PLCB4: variants seen among roughly 807,000 people sequenced by gnomAD.
PLCB4 encodes the protein 1-phosphatidylinositol 4,5-bisphosphate phosphodiesterase beta-4.
In PLCB4, 77 loss-of-function variants were observed where a neutral mutation model predicts 178.8. The observed-to-expected ratio is 0.43, with a 90% CI of 0.36 to 0.52. The LOEUF is 0.52. Among genes scored for constraint, PLCB4 ranks in the 20% least tolerant of loss-of-function variants. The pLI, the probability that PLCB4 is intolerant of heterozygous loss-of-function variation, is 0.00. For missense variants in PLCB4, 1,024 were observed against 1,453.4 expected, an observed-to-expected ratio of 0.70 and a Z score of 4.80; for synonymous variants, 496 against 490.8, an observed-to-expected ratio of 1.01 and a Z score of -0.14.
At chr20:9,394,283 G>A (rs1042519240) in intron 18 of PLCB4, among the ~76,000 whole-genome samples, 1 of 151,948 alleles carries the variant, frequency 6.6e-6, no homozygotes, top group African/African-American at 2.4e-5. Context: ...TTTAAATTAT[G>A]TTAATGACAG....
At chr20:9,255,504 G>A in intron 3 of PLCB4, among the ~76,000 whole-genome samples, 1 of 150,400 alleles carries the variant, frequency 6.6e-6, no homozygotes, top group East Asian at 1.9e-4. Flanking sequence ...TATTCTGGAA[G>A]CAGTAAAACT....
chr20:9,280,855 A>G (rs1454527750), intron 3 of PLCB4, among the ~76,000 whole-genome samples: 4 of 151,812 alleles, frequency 2.6e-5, no homozygotes, highest in Non-Finnish European at 5.9e-5. Context: ...ATGTGTTCAT[A>G]ATAACAGTGC....
intron 7 of PLCB4, 137 bp from the exon 8 acceptor site, chr20:9,362,759 G>A: frequency 1.6e-6 from 1 of 635,680 alleles, no homozygotes; most frequent in South Asian, 1.8e-5. Flanking sequence ...AAATATAGAT[G>A]GCTGTGTGAC....
At chr20:9,427,289 C>T (rs79732642) in intron 28 of PLCB4, among the ~76,000 whole-genome samples, 2,659 of 151,934 alleles carry the variant, frequency 0.018, 37 homozygotes, top group South Asian at 0.025. Context: ...GCAGTGATGG[C>T]TACCATGAGT....
At position 9,215,895 on chromosome 20, in the gene PLCB4, A is replaced by G. The variant is rs1033703386; in HGVS notation, c.-78-1495A>G. Among the ~76,000 whole-genome samples the G allele has an allele frequency of 2.0e-5, 3 of 152,144 alleles. No individual in the cohort carries two copies. In the South Asian group the frequency reaches 6.2e-4, roughly 32 times the overall value. ...GGAGCCATAGTATCCATATTACTAC[A>G]CTACTTCAGACTTTTTAAATTAATA... On this transcript the variant is annotated intron_variant, in intron 2 of 39. Transcript: ENST00000378473.
chr20:9,151,176 G>A (rs2092684361), intron 2 of PLCB4, among the ~76,000 whole-genome samples: 1 of 152,146 alleles, frequency 6.6e-6, no homozygotes, highest in African/African-American at 2.4e-5. Context: ...TATTTATGTA[G>A]CATTTACATT....
At chr20:9,157,143 C>A (rs1218214435) in intron 2 of PLCB4, among the ~76,000 whole-genome samples, 5 of 151,310 alleles carry the variant, frequency 3.3e-5, no homozygotes, top group African/African-American at 1.2e-4. Context: ...TTTTCTGATT[C>A]ATCAAGATGC....
intron 4 of PLCB4, among the ~76,000 whole-genome samples, chr20:9,313,079 G>A (rs1052865005): frequency 2.6e-5 from 4 of 152,062 alleles, no homozygotes; most frequent in Non-Finnish European, 4.4e-5. Flanking sequence ...AAGAGGGATG[G>A]CCATCTTTGC....
chr20:9,335,022 T>C (rs1025201856), intron 4 of PLCB4, among the ~76,000 whole-genome samples: 7 of 152,158 alleles, frequency 4.6e-5, no homozygotes, highest in Non-Finnish European at 1.0e-4. Context: ...CTCAAATCCT[T>C]ACTTGGAATT....
At chr20:9,420,632 T>C (rs1354181302) in intron 26 of PLCB4, among the ~76,000 whole-genome samples, 1 of 152,208 alleles carries the variant, frequency 6.6e-6, no homozygotes, top group Non-Finnish European at 1.5e-5. Context: ...CCTAGCCTAA[T>C]TGTACATTTT....
chr20:9,070,522 T>C (rs2089514992), intron 1 of PLCB4, among the ~76,000 whole-genome samples: 1 of 152,186 alleles, frequency 6.6e-6, no homozygotes, highest in South Asian at 2.1e-4. Context: ...TAATCCAGAA[T>C]GCTGTTTTTC....
At chr20:9,383,231 T>C (rs2037294307) in intron 13 of PLCB4, among the ~76,000 whole-genome samples, 1 of 152,156 alleles carries the variant, frequency 6.6e-6, no homozygotes, top group Non-Finnish European at 1.5e-5. Flanking sequence ...ATCTATCTGG[T>C]ATGGAATGGA....
chr20:9,442,599 G>C (rs946140744), intron 30 of PLCB4, among the ~76,000 whole-genome samples: 1 of 152,112 alleles, frequency 6.6e-6, no homozygotes, highest in African/African-American at 2.4e-5. Context: ...TAGATCTCTG[G>C]AGGACCTTGC....
intron 29 of PLCB4, among the ~76,000 whole-genome samples, chr20:9,436,035 T>G (rs1050296156): frequency 4.6e-5 from 7 of 152,248 alleles, no homozygotes; most frequent in African/African-American, 1.2e-4. Flanking sequence ...AGTCATACCT[T>G]TGCTTTTTGA....
intron 32 of PLCB4, among the ~76,000 whole-genome samples, chr20:9,445,839 T>G (rs963578044): frequency 3.9e-5 from 6 of 152,216 alleles, no homozygotes; most frequent in African/African-American, 1.4e-4. Flanking sequence ...GAAAGCACCT[T>G]AAATGACTTT....
At chr20:9,306,659 G>T (rs2094770849) in intron 3 of PLCB4, among the ~76,000 whole-genome samples, 1 of 152,018 alleles carries the variant, frequency 6.6e-6, no homozygotes, top group African/African-American at 2.4e-5. Context: ...GATGTGTTTG[G>T]TGTTCTTCCA....
chr20:9,358,289 C>A (rs1007548957), intron 7 of PLCB4, among the ~76,000 whole-genome samples: 2 of 152,210 alleles, frequency 1.3e-5, no homozygotes, highest in Non-Finnish European at 2.9e-5. Flanking sequence ...AACTTTTGAA[C>A]AACTTAATTA....
intron 13 of PLCB4, among the ~76,000 whole-genome samples, chr20:9,383,385 T>C: frequency 6.6e-6 from 1 of 152,350 alleles, no homozygotes; most frequent in East Asian, 1.9e-4. Flanking sequence ...GGCTATTCAT[T>C]ATGCTATCAT....
chr20:9,277,386 G>T (rs1211586046), intron 3 of PLCB4, among the ~76,000 whole-genome samples: 2 of 152,020 alleles, frequency 1.3e-5, no homozygotes, highest in Non-Finnish European at 2.9e-5. Context: ...AAAAAGAACA[G>T]CTTTGTTTCT....
Sources: gnomAD v4.1 joint callset for allele counts (sites outside exome capture counted in the v4.1 genomes callset) on GRCh38, gnomAD v4.1.1 for gene constraint, MANE v1.5 for transcripts, NCBI Gene and HGNC (gene_info 2026-07-23, HGNC 2026-07-21) for gene names.